Variants in DDX49 observed in about 807,000 individuals in gnomAD.
DDX49 encodes the protein probable ATP-dependent RNA helicase DDX49.
In DDX49, 50 loss-of-function variants were observed where a neutral mutation model predicts 56.3. The ratio of observed to expected loss-of-function variants is 0.89; its 90% CI spans 0.71 to 1.12. DDX49 has a LOEUF of 1.12. Among genes scored for constraint, DDX49 ranks in the 50% most tolerant of loss-of-function variants. The pLI is 0.00. For synonymous variants in DDX49, 269 were observed against 270.6 expected, an observed-to-expected ratio of 0.99 and a Z score of 0.06; for missense variants, 614 against 650.5, an observed-to-expected ratio of 0.94 and a Z score of 0.61.
chr19:18,924,813 C>T, intron 8 of DDX49, 69 bp from the exon 9 acceptor site: 1 of 1,612,452 alleles, frequency 6.2e-7, no homozygotes, highest in Non-Finnish European at 8.5e-7. Flanking sequence ...TGCTGAGTGA[C>T]CCTGGGTGAG....
At position 18,926,156 on chromosome 19, in the gene DDX49, C is replaced by A. The variant is rs570855505; in HGVS notation, c.1028-147C>A. The A allele has an allele frequency of 3.7e-6, 3 of 800,292 alleles. No individual in the cohort carries two copies. The African/African-American group carries it at 5.1e-5, about 14-fold the overall frequency. The allele number at this position is 800,292 out of a possible 1,614,324, so 49.6% of individuals were successfully genotyped here. On this transcript the variant is annotated intron_variant, in intron 9 of 12. Transcript: ENST00000247003. ...ACAGTGGTCCTGCTTGGGGTCAAGCCCAGACACTCTGGGCTGATCCCTCCC... is the reference window on the plus strand; with the variant it reads ...ACAGTGGTCCTGCTTGGGGTCAAGCACAGACACTCTGGGCTGATCCCTCCC...
chr19:18,919,954 G>A, intron 1 of DDX49, 98 bp downstream of exon 1: 1 of 932,114 alleles, frequency 1.1e-6, no homozygotes, highest in South Asian at 1.8e-5. Flanking sequence ...CACGAGGCGA[G>A]GGGCAACCTC....
intron 4 of DDX49, 103 bp from the exon 5 acceptor site, chr19:18,922,223 C>T: frequency 7.1e-7 from 1 of 1,417,298 alleles, no homozygotes; most frequent in Non-Finnish European, 9.6e-7. Context: ...TACTCCAGGG[C>T]CTAGGGTCCA....
Position 18,927,914 on chromosome 19 carries a change from C to T in DDX49, c.1192-51C>T, listed in dbSNP as rs772312224. ...CTCCAGGGCCGGGGGTGCTCCCTTC[C>T]AGGTGGGGCCCCCGTGACCAGCATC... is the stretch of plus-strand genomic sequence containing the variant. On this transcript the variant is annotated intron_variant, in intron 11 of 12. Coordinates refer to ENST00000247003, the MANE Select transcript of DDX49 (RefSeq NM_019070.5). 7.4e-6 allele frequency: 12 copies of T among 1,613,840 alleles called. No individual in the cohort carries two copies. In the South Asian group the frequency reaches 1.2e-4, roughly 16 times the overall value.
At position 18,920,583 on chromosome 19, in the gene DDX49, GA is replaced by G; in HGVS notation, c.120del (p.Asp41ThrfsTer36). 6.3e-7 allele frequency: 1 copy of G among 1,595,772 alleles called. No individual in the cohort carries two copies. Among genetic ancestry groups the G allele is most frequent in the Non-Finnish European group, 8.6e-7 (1 of 1,165,216 alleles). On this transcript the variant is annotated frameshift_variant, in exon 2 of 13. Coordinates refer to ENST00000247003, the MANE Select transcript of DDX49 (RefSeq NM_019070.5). LOFTEE classifies it high-confidence loss of function. The stretch of plus-strand genomic sequence containing the variant: ...TGCTGCTTTGTCCCCAACCCAGGTC[GA>G]GACTGCTTGGGCTGTGCTAAGACAG... ...LGCIPAILEG[R>X]DCLGCAKTGS...
At position 18,921,830 on chromosome 19, in the gene DDX49, C is replaced by T. The variant is rs1568328268; in HGVS notation, c.326-13C>T. 6 of 1,614,006 alleles carry T rather than the reference C, an allele frequency of 3.7e-6. No homozygotes were observed. The highest frequency in any genetic ancestry group is 2.2e-5 in the East Asian group (1 of 44,878). ...CACCTGCCCAGCCCTGCCTCTCATG[C>T]TCTGTCCCCCAGACATGGTGGCCCA... On this transcript the variant is annotated splice_polypyrimidine_tract_variant and intron_variant, in intron 3 of 12. Coordinates refer to ENST00000247003, the MANE Select transcript of DDX49 (RefSeq NM_019070.5).
Position 18,920,571 on chromosome 19 carries a change from C to G in DDX49, c.116-9C>G. On this transcript the variant is annotated splice_polypyrimidine_tract_variant and intron_variant, in intron 1 of 12. Transcript: ENST00000247003. ...GGAGGGTGTTGATGCTGCTTTGTCC[C>G]CAACCCAGGTCGAGACTGCTTGGGC... The G allele has an allele frequency of 6.9e-6, 11 of 1,587,786 alleles. No individual in the cohort carries two copies. The highest frequency in any genetic ancestry group is 9.5e-6 in the Non-Finnish European group (11 of 1,159,048).
At chr19:18,926,151 C>A (rs2145106287) in intron 9 of DDX49, 152 bp from the exon 10 acceptor site, 2 of 747,610 alleles carry the variant, frequency 2.7e-6, no homozygotes, top group East Asian at 5.6e-5. Context: ...TGCTTGGGGT[C>A]AAGCCCAGAC....
Position 18,919,718 on chromosome 19 carries a change from G to A in DDX49, c.-24G>A. On this transcript the variant is annotated 5_prime_UTR_variant, in exon 1 of 13. Transcript: ENST00000247003. Reference sequence around the variant, plus strand: ...CGCGGATCACACGGGCCCCTACAAGGGGCCCCTACAAGCGGCCACAAGGAT... The same window carrying A: ...CGCGGATCACACGGGCCCCTACAAGAGGCCCCTACAAGCGGCCACAAGGAT... The A allele has an allele frequency of 6.3e-7, 1 of 1,590,468 alleles. No individual in the cohort carries two copies.
Position 18,921,821 on chromosome 19 carries a change from CCT to C in DDX49, c.326-18_326-17del. ...GCTTTGGACCACCTGCCCAGCCCTG[CCT>C]CTCATGCTCTGTCCCCCAGACATGG... On this transcript the variant is annotated intron_variant, in intron 3 of 12. Coordinates refer to ENST00000247003, the MANE Select transcript of DDX49 (RefSeq NM_019070.5). The C allele has an allele frequency of 6.2e-7, 1 of 1,613,986 alleles. No homozygotes were observed. Among genetic ancestry groups the C allele is most frequent in the Non-Finnish European group, 8.5e-7 (1 of 1,179,962 alleles).
At position 18,920,824 on chromosome 19, in the gene DDX49, C is replaced by G; in HGVS notation, c.239+121C>G. 4.7e-6 allele frequency: 5 copies of G among 1,071,140 alleles called. No individual in the cohort carries two copies. The South Asian group carries it at 7.0e-5, about 15-fold the overall frequency. 66.4% of individuals were successfully genotyped at this position (1,071,140 alleles called of 1,614,324 possible). A position where few individuals can be genotyped will look rare whatever the true frequency, so the allele number is the denominator to read the frequency against. On this transcript the variant is annotated intron_variant, in intron 2 of 12. Coordinates refer to ENST00000247003, the MANE Select transcript of DDX49 (RefSeq NM_019070.5). ...AGATGAGCATGAAAATCTTGCTACCCGCTTCTTAGGGGTCCTGCAGAATTA... is the reference window on the plus strand; with the variant it reads ...AGATGAGCATGAAAATCTTGCTACCGGCTTCTTAGGGGTCCTGCAGAATTA...
chr19:18,922,279 C>T (rs375606654), intron 4 of DDX49, 47 bp from the exon 5 acceptor site: 31 of 1,583,886 alleles, frequency 2.0e-5, no homozygotes, highest in Admixed American at 1.1e-4. Context: ...GGCCAAGACC[C>T]GGGGCCATGG....
chr19:18,924,411 C>T, intron 7 of DDX49, 103 bp downstream of exon 7: 1 of 1,170,362 alleles, frequency 8.5e-7, no homozygotes, highest in Non-Finnish European at 1.3e-6. Context: ...TTCCTGCCAC[C>T]TGGTCTCTTC....
chr19:18,926,161 C>G (rs894056544), intron 9 of DDX49, 142 bp from the exon 10 acceptor site: 2 of 818,748 alleles, frequency 2.4e-6, no homozygotes, highest in Non-Finnish European at 3.9e-6. Context: ...CAAGCCCAGA[C>G]ACTCTGGGCT....
rs1350673391 is a variant in DDX49, at chr19:18,928,297, C to T, written c.1433C>T (p.Pro478Leu). Reference protein sequence around the residue: ...TPSGSHSGPVPSQGLV With the variant: ...TPSGSHSGPVLSQGLV Reference sequence around the variant, plus strand: ...TCTGGGTCCCACTCAGGCCCAGTCCCCTCCCAGGGCCTGGTCTGAGCCCCA... The same window carrying T: ...TCTGGGTCCCACTCAGGCCCAGTCCTCTCCCAGGGCCTGGTCTGAGCCCCA... Residue 478 changes from proline (P) to leucine (L), a missense_variant, in exon 13 of 13, where the codon CCC becomes CTC. By Grantham distance (98) the Pro-to-Leu change is moderately conservative. Transcript: ENST00000247003. 1 of 1,564,522 alleles carries T rather than the reference C, an allele frequency of 6.4e-7. No homozygotes were observed. The highest frequency in any genetic ancestry group is 8.7e-7 in the Non-Finnish European group (1 of 1,155,570).
rs765868639 is a variant in DDX49 at position 18,922,458 on chromosome 19, C to T, written c.580C>T (p.Arg194Trp). ...LFSATLTDTL[R>W]ELQGLATNQP... ...CAGCGCCACGCTGACCGACACACTCCGGGAGCTGCAGGGTCTGGCCACCAA... is the reference window on the plus strand; with the variant it reads ...CAGCGCCACGCTGACCGACACACTCTGGGAGCTGCAGGGTCTGGCCACCAA... The change falls in exon 5 of 13, where the codon CGG becomes TGG. Residue 194 changes from arginine to tryptophan, a missense_variant. Transcript: ENST00000247003. The T allele has an allele frequency of 3.6e-5, 57 of 1,603,446 alleles. No homozygotes were observed. Among genetic ancestry groups the T allele is most frequent in the South Asian group, 1.1e-4 (10 of 90,258 alleles).
At chr19:18,924,092 G>A in intron 6 of DDX49, 141 bp from the exon 7 acceptor site, 1 of 778,390 alleles carries the variant, frequency 1.3e-6, no homozygotes, top group East Asian at 2.6e-5. Flanking sequence ...ACAGGCATGA[G>A]CCACCGTGCC....
At chr19:18,928,081 T>C (rs1327363062) in intron 12 of DDX49, 45 bp downstream of exon 12, 7 of 1,611,816 alleles carry the variant, frequency 4.3e-6, no homozygotes, top group Non-Finnish European at 5.9e-6. Context: ...CCAGGTTCCC[T>C]GGCGGGGGCC....
intron 6 of DDX49, among the ~76,000 whole-genome samples, chr19:18,923,325 C>T (rs1191376456): frequency 1.3e-5 from 2 of 152,132 alleles, no homozygotes; most frequent in African/African-American, 4.8e-5. Context: ...AGTTCGAGAC[C>T]AGCCTGCCCA....
Sources: allele counts gnomAD v4.1 joint callset (sites outside exome capture counted in the v4.1 genomes callset), GRCh38; gene constraint gnomAD v4.1.1; transcripts MANE v1.5; gene names NCBI Gene and HGNC (gene_info 2026-07-23, HGNC 2026-07-21).